The following TMEM132D variants were observed in gnomAD, a reference collection of about 807,000 sequenced individuals.
The protein encoded by TMEM132D is transmembrane protein 132D.
A neutral mutation model predicts 62.3 loss-of-function variants in TMEM132D; 21 were observed. That is an observed-to-expected ratio of 0.34 (90% CI 0.24 to 0.49). The LOEUF is 0.49. Ranked by LOEUF, TMEM132D falls within the 20% of genes least tolerant of loss-of-function variation. TMEM132D has a pLI of 0.99. For missense variants in TMEM132D, 1,346 were observed against 1,402.8 expected (o/e 0.96, Z 0.65); for synonymous variants, 621 against 575.6 (o/e 1.08, Z -1.13).
At position 129,489,850 on chromosome 12, in the gene TMEM132D, A is replaced by G. The variant is rs1186893662; in HGVS notation, c.1115+41209T>C. 3.3e-5 allele frequency among the ~76,000 whole-genome samples: 5 copies of G among 152,362 alleles called. No individual in the cohort carries two copies. The East Asian group carries it at 7.7e-4, about 23-fold the overall frequency. On this transcript the variant is annotated intron_variant, in intron 3 of 8. Coordinates refer to ENST00000422113, the MANE Select transcript of TMEM132D (RefSeq NM_133448.3). ...TTCTAAAGTCTTTTCTAGCCATAAT[A>G]CAATAATTTTCCAGACAACTGGTTG...
intron 3 of TMEM132D, among the ~76,000 whole-genome samples, chr12:129,443,574 C>G (rs1873002706): frequency 6.6e-6 from 1 of 152,136 alleles, no homozygotes; most frequent in Non-Finnish European, 1.5e-5. Context: ...CTGGCTCTCC[C>G]CCTTCTCCCT....
intron 3 of TMEM132D, among the ~76,000 whole-genome samples, chr12:129,494,675 C>T (rs1274263502): frequency 6.6e-6 from 1 of 152,060 alleles, no homozygotes; most frequent in African/African-American, 2.4e-5. Context: ...ACCATCTCCC[C>T]TCAAAAAAAG....
At chr12:129,138,528 G>A (rs914692335) in intron 5 of TMEM132D, among the ~76,000 whole-genome samples, 1 of 152,112 alleles carries the variant, frequency 6.6e-6, no homozygotes. Flanking sequence ...GACCAGCCTG[G>A]CCAATATGGT....
At chr12:129,104,770 C>A (rs1875432817) in intron 5 of TMEM132D, among the ~76,000 whole-genome samples, 2 of 149,508 alleles carry the variant, frequency 1.3e-5, no homozygotes, top group Admixed American at 1.3e-4. Context: ...GACATTTATG[C>A]AGCCAAAAAA....
At chr12:129,454,364 A>C (rs548923961) in intron 3 of TMEM132D, among the ~76,000 whole-genome samples, 94 of 152,326 alleles carry the variant, frequency 6.2e-4, no homozygotes, top group African/African-American at 2.2e-3. Context: ...TGTGGGAACC[A>C]AAGCCAACAG....
intron 1 of TMEM132D, among the ~76,000 whole-genome samples, chr12:129,874,740 C>A (rs192902811): frequency 0.041 from 4,900 of 120,772 alleles, 130 homozygotes; most frequent in South Asian, 0.11. Flanking sequence ...TCACTCTTGT[C>A]ACCCAGGCTG....
At chr12:129,584,473 G>A (rs562641729) in intron 2 of TMEM132D, among the ~76,000 whole-genome samples, 3 of 152,310 alleles carry the variant, frequency 2.0e-5, no homozygotes, top group South Asian at 4.1e-4. Context: ...CTCATGGTGG[G>A]TGGGAGTTAC....
intron 1 of TMEM132D, among the ~76,000 whole-genome samples, chr12:129,705,583 GGGC>G (rs1456364756): frequency 6.6e-6 from 1 of 152,104 alleles, no homozygotes; most frequent in Non-Finnish European, 1.5e-5. Flanking sequence ...GTAATTGTGA[GGGC>G]AACAGAAAGA....
At chr12:129,717,281 G>T (rs1179792263) in intron 1 of TMEM132D, among the ~76,000 whole-genome samples, 2 of 152,186 alleles carry the variant, frequency 1.3e-5, no homozygotes, top group African/African-American at 2.4e-5. Flanking sequence ...CTTAAGTGAT[G>T]TGACATCGTC....
At chr12:129,841,994 G>A (rs1194824844) in intron 1 of TMEM132D, among the ~76,000 whole-genome samples, 33 of 148,910 alleles carry the variant, frequency 2.2e-4, no homozygotes, top group Non-Finnish European at 4.1e-4. Flanking sequence ...ACAGTGGCGC[G>A]ATCTCGGCTC....
chr12:129,793,026 A>T (rs1360203642), intron 1 of TMEM132D, among the ~76,000 whole-genome samples: 3 of 152,000 alleles, frequency 2.0e-5, no homozygotes, highest in African/African-American at 7.2e-5. Flanking sequence ...ACTATACATG[A>T]GTATGTGTGT....
intron 3 of TMEM132D, among the ~76,000 whole-genome samples, chr12:129,527,949 G>A (rs777089618): frequency 6.6e-6 from 1 of 152,164 alleles, no homozygotes; most frequent in Non-Finnish European, 1.5e-5. Context: ...GCACAAAAGT[G>A]TCTCCTTAAT....
chr12:129,882,545 TAAG>T (rs1325084735), intron 1 of TMEM132D, among the ~76,000 whole-genome samples: 1 of 152,182 alleles, frequency 6.6e-6, no homozygotes, highest in East Asian at 1.9e-4. Context: ...TAAACCACTG[TAAG>T]ATGACTAGTT....
rs183566604 is a variant in TMEM132D at position 129,514,135 on chromosome 12, G to A, written c.1115+16924C>T. ...ATTACAGGCGTGAGCCACCGAGCCCGGCCAATGGGGACCAAATTTTAATAT... is the reference window on the plus strand; with the variant it reads ...ATTACAGGCGTGAGCCACCGAGCCCAGCCAATGGGGACCAAATTTTAATAT... On this transcript the variant is annotated intron_variant, in intron 3 of 8. Transcript: ENST00000422113. 6.9e-3 allele frequency among the ~76,000 whole-genome samples: 1,044 copies of A among 152,046 alleles called. 11 individuals carry two copies. Among genetic ancestry groups the A allele is most frequent in the Admixed American group, 0.023 (355 of 15,260 alleles).
chr12:129,802,255 A>C (rs1226166540), intron 1 of TMEM132D, among the ~76,000 whole-genome samples: 16 of 133,170 alleles, frequency 1.2e-4, no homozygotes, highest in Non-Finnish European at 1.6e-4. Context: ...CCAAAGTTGA[A>C]ATGAAGGAAA....
At chr12:129,563,011 C>G (rs972716235) in intron 2 of TMEM132D, among the ~76,000 whole-genome samples, 2 of 152,186 alleles carry the variant, frequency 1.3e-5, no homozygotes, top group African/African-American at 4.8e-5. Flanking sequence ...TCACAGGAAA[C>G]AGCAAGCGCC....
chr12:129,454,691 G>A (rs1329252329), intron 3 of TMEM132D, among the ~76,000 whole-genome samples: 2 of 152,192 alleles, frequency 1.3e-5, no homozygotes, highest in Non-Finnish European at 2.9e-5. Context: ...CTTTTTAGCT[G>A]TTGCAGGAAC....
intron 5 of TMEM132D, among the ~76,000 whole-genome samples, chr12:129,193,950 G>C (rs913269717): frequency 3.3e-5 from 5 of 152,172 alleles, no homozygotes; most frequent in African/African-American, 7.2e-5. Flanking sequence ...TTTCTTGAAC[G>C]TCTCTTAAAC....
At chr12:129,423,644 G>A (rs1043574699) in intron 3 of TMEM132D, among the ~76,000 whole-genome samples, 4 of 152,064 alleles carry the variant, frequency 2.6e-5, no homozygotes, top group Admixed American at 2.6e-4. Context: ...ATTCTATGAC[G>A]GGAAAGGGAA....
Sources: allele counts gnomAD v4.1 joint callset (sites outside exome capture counted in the v4.1 genomes callset), GRCh38; gene constraint gnomAD v4.1.1; transcripts MANE v1.5; gene names NCBI Gene and HGNC (gene_info 2026-07-23, HGNC 2026-07-21).